Variants in TDRD12 observed in about 807,000 individuals in gnomAD.
The protein encoded by TDRD12 is tudor domain containing 12, also known as putative ATP-dependent RNA helicase TDRD12.
Under a neutral mutation model 133.5 loss-of-function variants are expected in TDRD12, and 158 were observed. That is an observed-to-expected ratio of 1.18 (90% confidence interval 1.04 to 1.35). TDRD12 has a LOEUF of 1.35. Among genes scored for constraint, TDRD12 ranks in the 40% most tolerant of loss-of-function variants. The pLI, the probability that TDRD12 is intolerant of heterozygous loss-of-function variation, is 0.00. For synonymous variants in TDRD12, 460 were observed against 477.9 expected, an observed-to-expected ratio of 0.96 and a Z score of 0.49; for missense variants, 1,443 against 1,321.3, an observed-to-expected ratio of 1.09 and a Z score of -1.43.
At chr19:32,762,542 C>T (rs914162228) in intron 8 of TDRD12, among the ~76,000 whole-genome samples, 8 of 152,032 alleles carry the variant, frequency 5.3e-5, no homozygotes, top group Admixed American at 6.6e-5. Context: ...TAGGTAATGG[C>T]GGTAGGAAAA....
intron 4 of TDRD12, among the ~76,000 whole-genome samples, chr19:32,744,865 G>C (rs1446780866): frequency 6.6e-6 from 1 of 152,148 alleles, no homozygotes; most frequent in Non-Finnish European, 1.5e-5. Flanking sequence ...GACTCCACTG[G>C]CATGCCATGT....
At chr19:32,736,004 G>A (rs1969212351) in intron 2 of TDRD12, among the ~76,000 whole-genome samples, 1 of 152,070 alleles carries the variant, frequency 6.6e-6, no homozygotes, top group Non-Finnish European at 1.5e-5. Context: ...GTCTTTAAAG[G>A]ACTAAAGCTT....
At chr19:32,750,048 TA>T (rs1201921632) in intron 6 of TDRD12, among the ~76,000 whole-genome samples, 179 bp downstream of exon 6, 1 of 152,190 alleles carries the variant, frequency 6.6e-6, no homozygotes, top group Non-Finnish European at 1.5e-5. Flanking sequence ...TTGATTACTT[TA>T]AAAAATGACT....
exon 8 of TDRD12, chr19:32,826,264 G>T: frequency 6.8e-7 from 1 of 1,460,442 alleles, no homozygotes; most frequent in Non-Finnish European, 9.0e-7. Flanking sequence ...CAAATAAAAT[G>T]GTTCCAAAAA....
chr19:32,766,548 A>AT (rs1454871323), intron 8 of TDRD12, among the ~76,000 whole-genome samples: 2 of 149,646 alleles, frequency 1.3e-5, no homozygotes, highest in East Asian at 3.9e-4. Context: ...CCTTTACCCT[A>AT]TTTTTTTGCT....
chr19:32,788,232 C>T (rs889270475), intron 11 of TDRD12, among the ~76,000 whole-genome samples: 4 of 151,720 alleles, frequency 2.6e-5, no homozygotes, highest in Non-Finnish European at 1.5e-5. Context: ...AAGTGATTCT[C>T]CTGCCTCAGT....
exon 20 of TDRD12, chr19:32,802,702 G>A (rs1390100076): frequency 1.1e-5 from 17 of 1,536,264 alleles, no homozygotes; most frequent in Admixed American, 2.0e-5. Context: ...CCGATGCCAC[G>A]TGTGTGATTC....
intron 1 of TDRD12, among the ~76,000 whole-genome samples, chr19:32,730,844 T>C (rs1314383675): frequency 6.6e-6 from 1 of 152,124 alleles, no homozygotes; most frequent in Admixed American, 6.5e-5. Context: ...GATGAAATCC[T>C]GTCTCTACTA....
At chr19:32,810,072 T>C in intron 22 of TDRD12, 21 bp from the exon 23 acceptor site, 1 of 1,448,496 alleles carries the variant, frequency 6.9e-7, no homozygotes, top group Non-Finnish European at 9.2e-7. Flanking sequence ...TTCTTGGTCA[T>C]GTTTACTATA....
chr19:32,772,569 G>T (rs1356580946), intron 8 of TDRD12, among the ~76,000 whole-genome samples, 184 bp from the exon 9 acceptor site: 1 of 152,144 alleles, frequency 6.6e-6, no homozygotes, highest in Non-Finnish European at 1.5e-5. Flanking sequence ...TTACAATAAA[G>T]GTTGAGACAA....
chr19:32,817,969 CAAA>C (rs77102946), intron 26 of TDRD12, 117 bp from the exon 27 acceptor site: 717 of 588,048 alleles, frequency 1.2e-3, no homozygotes, highest in South Asian at 1.5e-3. Context: ...GCCTCTGTCT[CAAA>C]AAAAAAAAAA....
chr19:32,789,743 A>C (rs2145658213), intron 11 of TDRD12, among the ~76,000 whole-genome samples: 1 of 152,306 alleles, frequency 6.6e-6, no homozygotes, highest in African/African-American at 2.4e-5. Context: ...GCTCACGCCT[A>C]TAATCCCAGC....
chr19:32,773,602 C>T (rs962671641), intron 10 of TDRD12, 70 bp downstream of exon 10: 60 of 1,389,720 alleles, frequency 4.3e-5, no homozygotes, highest in Admixed American at 7.9e-5. Flanking sequence ...GGAGGCTGAG[C>T]TGGGGGGATC....
At chr19:32,787,607 T>C (rs1970944926) in intron 11 of TDRD12, among the ~76,000 whole-genome samples, 2 of 152,206 alleles carry the variant, frequency 1.3e-5, no homozygotes, top group South Asian at 4.1e-4. Context: ...CTGCTTTGTT[T>C]ACACTGTGAG....
At chr19:32,749,609 ATCCAC>A (rs1443628032) in intron 5 of TDRD12, among the ~76,000 whole-genome samples, 170 bp from the exon 6 acceptor site, 1 of 152,084 alleles carries the variant, frequency 6.6e-6, no homozygotes, top group Non-Finnish European at 1.5e-5. Context: ...AGGACCCATA[ATCCAC>A]TCCACAATCA....
intron 11 of TDRD12, among the ~76,000 whole-genome samples, chr19:32,788,008 A>G (rs1178564923): frequency 6.6e-6 from 1 of 151,834 alleles, no homozygotes; most frequent in Non-Finnish European, 1.5e-5. Flanking sequence ...GAAATCACCC[A>G]TCTTCTGCAT....
chr19:32,725,761 G>T (rs7252736), intron 1 of TDRD12, among the ~76,000 whole-genome samples: 88,467 of 151,912 alleles, frequency 0.58, 26,537 homozygotes, highest in East Asian at 0.82. Flanking sequence ...GAATGTCAAT[G>T]GTAGTTTAAT....
At chr19:32,818,147 G>A (rs117126503) in exon 27 of TDRD12, 10,890 of 702,020 alleles carry the variant, frequency 0.016, 120 homozygotes, top group Middle Eastern at 0.036. Flanking sequence ...CGAGGAGCAG[G>A]GGGGGCAGGG....
chr19:32,740,078 T>C (rs71335798), intron 3 of TDRD12, among the ~76,000 whole-genome samples: 52 of 116,122 alleles, frequency 4.5e-4, no homozygotes, highest in African/African-American at 1.3e-3. Context: ...ATCTCCTGGG[T>C]GCTCTCTGCA....
Sources: allele counts gnomAD v4.1 joint callset (sites outside exome capture counted in the v4.1 genomes callset), GRCh38; gene constraint gnomAD v4.1.1; transcripts MANE v1.5; gene names NCBI Gene and HGNC (gene_info 2026-07-23, HGNC 2026-07-21).